KDM2B: variants seen among roughly 807,000 people sequenced by gnomAD.
KDM2B encodes lysine demethylase 2B.
KDM2B carries 26 observed loss-of-function variants against 150.0 expected under a neutral mutation model. The observed-to-expected ratio is 0.17, with a 90% confidence interval of 0.13 to 0.24. The LOEUF is 0.24. Among genes scored for constraint, KDM2B ranks in the 10% least tolerant of loss-of-function variants. The pLI, the probability that KDM2B is intolerant of heterozygous loss-of-function variation, is 1.00. For synonymous variants in KDM2B, 734 were observed against 729.5 expected, an observed-to-expected ratio of 1.01 and a Z score of -0.10; for missense variants, 1,265 against 1,816.9, an observed-to-expected ratio of 0.70 and a Z score of 5.52.
At chr12:121,502,938 T>A (rs1236023339) in intron 11 of KDM2B, among the ~76,000 whole-genome samples, 3 of 149,360 alleles carry the variant, frequency 2.0e-5, no homozygotes, top group African/African-American at 7.4e-5. Flanking sequence ...GTAAAAAAAA[T>A]AAAATTTTTT....
rs1343704798 is a variant in KDM2B, at chr12:121,430,588, C to G, written c.3830-119G>C. ...AGAGCTCTACATATTCCAGTCCCTG[C>G]TGTGCTGCACTAAATAAAATGTTAT... On this transcript the variant is annotated intron_variant, in intron 22 of 22. Coordinates refer to ENST00000377071, the MANE Select transcript of KDM2B (RefSeq NM_032590.5). This position sits in a 1 kb window ranked among gnomAD's most constrained non-coding sequence, Gnocchi z 4.4. 2 of 694,366 alleles carry G rather than the reference C, an allele frequency of 2.9e-6. No homozygotes were observed. The highest frequency in any genetic ancestry group is 3.6e-5 in the African/African-American group (2 of 56,216). The allele number at this position is 694,366 out of a possible 1,614,324, so 43.0% of individuals were successfully genotyped here.
intron 7 of KDM2B, among the ~76,000 whole-genome samples, chr12:121,534,257 G>C (rs1389795400): frequency 6.6e-6 from 1 of 151,636 alleles, no homozygotes; most frequent in African/African-American, 2.4e-5. Flanking sequence ...GCTGAGGCAG[G>C]AGAATGGCAT....
At chr12:121,456,227 C>T (rs1878212085) in intron 12 of KDM2B, among the ~76,000 whole-genome samples, 1 of 152,208 alleles carries the variant, frequency 6.6e-6, no homozygotes, top group Non-Finnish European at 1.5e-5. Flanking sequence ...CCCACAGACC[C>T]ACTGGGATGG....
Position 121,442,902 on chromosome 12 carries a change from G to T in KDM2B, c.2605-66C>A. The T allele has an allele frequency of 6.4e-7, 1 of 1,560,674 alleles. No individual in the cohort carries two copies. Among genetic ancestry groups the T allele is most frequent in the Non-Finnish European group, 8.7e-7 (1 of 1,155,334 alleles). On this transcript the variant is annotated intron_variant, in intron 18 of 22. Transcript: ENST00000377071. This position sits in a 1 kb window ranked among gnomAD's most constrained non-coding sequence, Gnocchi z 7.7. ...GGGCTGCGCCCGCCCAAGGCCTCCC[G>T]CCCCCCTGCCACGGGACTGTGGCCC...
chr12:121,509,426 C>A, intron 11 of KDM2B, 141 bp downstream of exon 11: 1 of 1,438,494 alleles, frequency 7.0e-7, no homozygotes, highest in East Asian at 2.4e-5. Context: ...ACTGAGACCC[C>A]AGAAGCCCCC....
At chr12:121,475,343 C>T (rs1413220823) in intron 12 of KDM2B, among the ~76,000 whole-genome samples, 1 of 152,026 alleles carries the variant, frequency 6.6e-6, no homozygotes, top group East Asian at 1.9e-4. Flanking sequence ...AATGCCAACA[C>T]TTTGGGAGGC....
Position 121,533,996 on chromosome 12 carries a change from C to T in KDM2B, c.777+501G>A, listed in dbSNP as rs377684060. Among the ~76,000 whole-genome samples, 91 of 152,196 alleles carry T rather than the reference C, an allele frequency of 6.0e-4. No individual in the cohort carries two copies. The highest frequency in any genetic ancestry group is 2.0e-3 in the African/African-American group (85 of 41,536). On this transcript the variant is annotated intron_variant, in intron 7 of 22. Coordinates refer to ENST00000377071, the MANE Select transcript of KDM2B (RefSeq NM_032590.5). This position sits in a 1 kb window ranked among gnomAD's most constrained non-coding sequence, Gnocchi z 4.1. ...TGGAGGCTACAGCGAGCTGTGATTT[C>T]GCCACTGCACTCCACCCTGGGTGAC...
intron 11 of KDM2B, among the ~76,000 whole-genome samples, chr12:121,496,772 G>A (rs964358463): frequency 6.6e-6 from 1 of 151,980 alleles, no homozygotes; most frequent in Admixed American, 6.6e-5. Context: ...GAGTGCGGAT[G>A]TGAGCCCCCC....
intron 11 of KDM2B, among the ~76,000 whole-genome samples, chr12:121,500,193 A>ATC (rs2140503628): frequency 6.6e-6 from 1 of 152,174 alleles, no homozygotes; most frequent in Non-Finnish European, 1.5e-5. Context: ...GCTGGAGGGA[A>ATC]TCATGTCACT....
At chr12:121,500,577 G>T (rs564966584) in intron 11 of KDM2B, among the ~76,000 whole-genome samples, 1 of 152,346 alleles carries the variant, frequency 6.6e-6, no homozygotes, top group South Asian at 2.1e-4. Context: ...ATCCCACTGT[G>T]AAAACAAGGC....
intron 12 of KDM2B, among the ~76,000 whole-genome samples, chr12:121,472,065 G>C (rs188358103): frequency 1.8e-3 from 277 of 152,318 alleles, no homozygotes; most frequent in Non-Finnish European, 2.4e-3. Context: ...AGAGGTTTCA[G>C]TGAGCCAAGA....
intron 11 of KDM2B, among the ~76,000 whole-genome samples, chr12:121,502,022 A>G (rs1182453306): frequency 4.6e-5 from 7 of 152,148 alleles, no homozygotes; most frequent in African/African-American, 1.7e-4. Flanking sequence ...GCATCAATGA[A>G]CAGGTGTGTT....
rs1053898516 is a variant in KDM2B at position 121,461,959 on chromosome 12, G to A, written c.1735-8615C>T. ...GAGGCTGTGGCATCACAAGAGCCAG[G>A]CAAGTTTCAAGAAGGGAGCAGTTAC... On this transcript the variant is annotated intron_variant, in intron 12 of 22. Coordinates refer to ENST00000377071, the MANE Select transcript of KDM2B (RefSeq NM_032590.5). Among the ~76,000 whole-genome samples the A allele has an allele frequency of 7.9e-5, 12 of 152,208 alleles. 1 individual carries two copies. Among genetic ancestry groups the A allele is most frequent in the Admixed American group, 7.9e-4 (12 of 15,282 alleles).
intron 4 of KDM2B, among the ~76,000 whole-genome samples, chr12:121,565,244 C>CAGG (rs1404161708): frequency 6.6e-6 from 1 of 151,972 alleles, no homozygotes; most frequent in Non-Finnish European, 1.5e-5. Flanking sequence ...ACACACCAGC[C>CAGG]AGGAACTGAC....
chr12:121,541,393 C>G (rs148103227), intron 6 of KDM2B, among the ~76,000 whole-genome samples: 3 of 68,912 alleles, frequency 4.4e-5, no homozygotes, highest in Admixed American at 3.7e-4. Context: ...CAGCCCCTGT[C>G]TCAAAAAAAA....
intron 8 of KDM2B, among the ~76,000 whole-genome samples, chr12:121,525,788 C>T (rs1234513671): frequency 2.0e-5 from 3 of 152,184 alleles, no homozygotes; most frequent in African/African-American, 7.2e-5. Context: ...GTAAGAAATA[C>T]CTGGGGCTAC....
intron 12 of KDM2B, among the ~76,000 whole-genome samples, chr12:121,481,180 C>G (rs1555297813): frequency 1.3e-5 from 2 of 152,134 alleles, no homozygotes; most frequent in Non-Finnish European, 2.9e-5. Flanking sequence ...ATCCACCCGC[C>G]TCAGCCTCCC....
At chr12:121,426,444 T>TC (rs1246536927), downstream of KDM2B, among the ~76,000 whole-genome samples, 86 of 114,056 alleles carry the variant, frequency 7.5e-4, no homozygotes, top group Middle Eastern at 4.4e-3. Context: ...TTCTACCCCC[T>TC]CCCCCCCCTT....
At chr12:121,415,913 C>T in the KDM2B span, among the ~76,000 whole-genome samples, 1 of 108,354 alleles carries the variant, frequency 9.2e-6, no homozygotes. Context: ...GTTTTTTGTT[C>T]TGTAAAATTT....
Sources: gnomAD v4.1 joint callset for allele counts (sites outside exome capture counted in the v4.1 genomes callset) on GRCh38, gnomAD v4.1.1 for gene constraint, Gnocchi (gnomAD v3.1) non-coding constraint, MANE v1.5 for transcripts, NCBI Gene and HGNC (gene_info 2026-07-23, HGNC 2026-07-21) for gene names.